Variants in AXDND1 observed in about 807,000 individuals in gnomAD.
AXDND1 encodes the protein axonemal dynein light chain domain-containing protein 1.
Under a neutral mutation model 137.5 loss-of-function variants are expected in AXDND1, and 110 were observed. The observed-to-expected ratio is 0.80, with a 90% confidence interval of 0.69 to 0.94. The LOEUF (loss-of-function observed/expected upper bound fraction) is 0.94, where lower values mean the gene tolerates loss of function less well. Among genes scored for constraint, AXDND1 ranks in the 40% least tolerant of loss-of-function variants. The pLI is 0.00. For synonymous variants in AXDND1, 414 were observed against 399.7 expected, an observed-to-expected ratio of 1.04 and a Z score of -0.43; for missense variants, 1,191 against 1,169.8, an observed-to-expected ratio of 1.02 and a Z score of -0.26.
chr1:179,408,022 CCTT>C (rs1229528096), intron 11 of AXDND1, among the ~76,000 whole-genome samples: 2 of 152,132 alleles, frequency 1.3e-5, no homozygotes, highest in African/African-American at 2.4e-5. Flanking sequence ...AGAAGAAATT[CCTT>C]CTTCTACTTG....
chr1:179,380,227 C>T (rs113063045), intron 6 of AXDND1, among the ~76,000 whole-genome samples: 2,727 of 149,812 alleles, frequency 0.018, 89 homozygotes, highest in African/African-American at 0.063. Flanking sequence ...CCAGCCTGGG[C>T]GACAGAGTGA....
chr1:179,494,600 C>T (rs1422685316), intron 20 of AXDND1, among the ~76,000 whole-genome samples: 1 of 151,126 alleles, frequency 6.6e-6, no homozygotes, highest in African/African-American at 2.4e-5. Flanking sequence ...ACTTGAACTC[C>T]TGAGCTCAAG....
At chr1:179,546,019 A>G (rs1207703478) in intron 25 of AXDND1, 1 of 152,208 alleles carries the variant, frequency 6.6e-6, no homozygotes, top group South Asian at 2.1e-4. Context: ...GATCAGGCAC[A>G]ATAGTTCCTC....
chr1:179,496,471 T>A (rs1667460865), intron 20 of AXDND1, among the ~76,000 whole-genome samples: 1 of 152,076 alleles, frequency 6.6e-6, no homozygotes, highest in African/African-American at 2.4e-5. Flanking sequence ...TGCGATTTCA[T>A]CTAAGTTGTC....
intron 21 of AXDND1, among the ~76,000 whole-genome samples, chr1:179,512,015 G>T (rs1669106965): frequency 6.6e-6 from 1 of 152,162 alleles, no homozygotes; most frequent in Non-Finnish European, 1.5e-5. Context: ...TCTGTGCGTT[G>T]TCTGTTTACT....
At chr1:179,477,991 C>T (rs968967628) in intron 17 of AXDND1, among the ~76,000 whole-genome samples, 1 of 152,182 alleles carries the variant, frequency 6.6e-6, no homozygotes, top group Non-Finnish European at 1.5e-5. Flanking sequence ...AATCTTACAG[C>T]TTCATAATGA....
At chr1:179,366,740 TAAAG>T (rs1667449715) in intron 2 of AXDND1, 134 bp downstream of exon 2, 1 of 704,362 alleles carries the variant, frequency 1.4e-6, no homozygotes, top group Non-Finnish European at 2.4e-6. Context: ...CTTGCTTAAA[TAAAG>T]CAAGAAGTCA....
chr1:179,373,226 A>G (rs980393644), intron 4 of AXDND1, among the ~76,000 whole-genome samples: 6 of 152,190 alleles, frequency 3.9e-5, no homozygotes, highest in African/African-American at 1.2e-4. Flanking sequence ...CCCATTCACA[A>G]TTGTTTCAAA....
intron 15 of AXDND1, among the ~76,000 whole-genome samples, chr1:179,438,477 T>C (rs1658538244): frequency 6.6e-6 from 1 of 152,186 alleles, no homozygotes; most frequent in African/African-American, 2.4e-5. Context: ...GCTCTTTGAA[T>C]AGAATCATGC....
chr1:179,456,570 C>T, intron 16 of AXDND1: 2 of 777,434 alleles, frequency 2.6e-6, no homozygotes, highest in African/African-American at 3.4e-5. Flanking sequence ...GTAACCAGGG[C>T]CACCTCCTCC....
At chr1:179,428,469 T>A (rs117985796) in intron 12 of AXDND1, among the ~76,000 whole-genome samples, 1 of 152,268 alleles carries the variant, frequency 6.6e-6, no homozygotes, top group Non-Finnish European at 1.5e-5. Flanking sequence ...CAGTATTTCA[T>A]TAAATGACTA....
At chr1:179,384,841 C>T (rs914152977) in intron 8 of AXDND1, among the ~76,000 whole-genome samples, 3 of 151,714 alleles carry the variant, frequency 2.0e-5, no homozygotes, top group Admixed American at 6.6e-5. Context: ...TGGCTCACTG[C>T]AGCTGCAACC....
At chr1:179,447,949 C>T in intron 16 of AXDND1, 4 of 1,393,654 alleles carry the variant, frequency 2.9e-6, no homozygotes, top group Non-Finnish European at 4.1e-6. Context: ...TAACGTTGAG[C>T]TGGCTGCCAA....
intron 25 of AXDND1, chr1:179,544,518 C>T (rs1217573900): frequency 6.6e-6 from 1 of 151,772 alleles, no homozygotes; most frequent in Non-Finnish European, 1.5e-5. Flanking sequence ...TACTAAAACA[C>T]AAAAATTAGC....
intron 23 of AXDND1, chr1:179,532,845 A>G (rs1671153363): frequency 6.6e-6 from 1 of 152,272 alleles, no homozygotes; most frequent in African/African-American, 2.4e-5. Context: ...TGATTGTGCC[A>G]CTGCACTGTA....
intron 7 of AXDND1, among the ~76,000 whole-genome samples, chr1:179,383,239 T>G (rs141935945): frequency 6.6e-6 from 1 of 152,306 alleles, no homozygotes; most frequent in African/African-American, 2.4e-5. Flanking sequence ...AAAAAGAGAA[T>G]CATACTATTT....
intron 16 of AXDND1, chr1:179,457,192 A>G (rs111977081): frequency 2.1e-4 from 159 of 761,370 alleles, no homozygotes; most frequent in Non-Finnish European, 3.6e-4. Context: ...TGGTATTTGG[A>G]TCTCATTACC....
chr1:179,373,700 A>G (rs1212990442), intron 4 of AXDND1, among the ~76,000 whole-genome samples: 2 of 152,200 alleles, frequency 1.3e-5, no homozygotes, highest in Non-Finnish European at 2.9e-5. Flanking sequence ...GATCTTTGAC[A>G]AACCTGACAA....
At chr1:179,411,612 G>C (rs1653890773) in intron 12 of AXDND1, among the ~76,000 whole-genome samples, 1 of 151,518 alleles carries the variant, frequency 6.6e-6, no homozygotes, top group African/African-American at 2.4e-5. Context: ...AGGAAAAGTT[G>C]AATTTCTTCT....
Sources: allele counts gnomAD v4.1 joint callset (sites outside exome capture counted in the v4.1 genomes callset), GRCh38; gene constraint gnomAD v4.1.1; transcripts MANE v1.5; gene names NCBI Gene and HGNC (gene_info 2026-07-23, HGNC 2026-07-21).